ATP2C2: variants seen among roughly 807,000 people sequenced by gnomAD.
The protein encoded by ATP2C2 is ATPase secretory pathway Ca2+ transporting 2.
In ATP2C2, 171 loss-of-function variants were observed where a neutral mutation model predicts 110.8. The observed-to-expected ratio is 1.54, with a 90% CI of 1.36 to 1.75. ATP2C2 has a LOEUF of 1.75. Ranked by LOEUF, ATP2C2 falls within the 40% of genes most tolerant of loss-of-function variation. ATP2C2 has a pLI of 0.00. For missense variants in ATP2C2, 1,963 were observed against 1,235.0 expected (o/e 1.59, Z -8.84); for synonymous variants, 804 against 508.4 (o/e 1.58, Z -7.82).
At chr16:84,455,078 G>GGC in intron 21 of ATP2C2, 94 bp downstream of exon 21, 2 of 1,445,600 alleles carry the variant, frequency 1.4e-6, no homozygotes, top group Non-Finnish European at 9.5e-7. Context: ...AGAGGGGGGG[G>GGC]TCTCGCGGAG....
rs745415811 is a variant in ATP2C2 at position 84,410,516 on chromosome 16, C to A, written c.418-52C>A. On this transcript the variant is annotated intron_variant, in intron 4 of 26. Transcript: ENST00000262429. ...AGCCCCTAGCCTGCCACGCCCTGTC[C>A]CCCCTCCCACTGAGCCTCTGGTACT... 93 of 1,590,424 alleles carry A rather than the reference C, an allele frequency of 5.8e-5. 2 individuals carry two copies. The highest frequency in any genetic ancestry group is 2.7e-4 in the Admixed American group (16 of 59,946).
In ATP2C2 at chr16:84,461,829, C is replaced by T. The variant is rs370595158; in HGVS notation, c.2580+17C>T. ...CGCTCTCAGGTGAGACCCGGGCTGACCCTCCTCGCTGCAGAGCTGCTGTGT... is the reference window on the plus strand; with the variant it reads ...CGCTCTCAGGTGAGACCCGGGCTGATCCTCCTCGCTGCAGAGCTGCTGTGT... On this transcript the variant is annotated intron_variant, in intron 25 of 26. Transcript: ENST00000262429. 5 of 1,611,656 alleles carry T rather than the reference C, an allele frequency of 3.1e-6. No individual in the cohort carries two copies. In the African/African-American group the frequency reaches 4.0e-5, roughly 13 times the overall value.
At chr16:84,411,640 C>A (rs1013236800) in intron 6 of ATP2C2, among the ~76,000 whole-genome samples, 1 of 152,172 alleles carries the variant, frequency 6.6e-6, no homozygotes, top group Admixed American at 6.5e-5. Context: ...TGGGGTTTCG[C>A]CACGTTGGCT....
At chr16:84,400,769 G>C (rs1905269795) in intron 2 of ATP2C2, among the ~76,000 whole-genome samples, 1 of 152,162 alleles carries the variant, frequency 6.6e-6, no homozygotes, top group Non-Finnish European at 1.5e-5. Flanking sequence ...CATTTTAACT[G>C]TGATGAGATG....
chr16:84,462,071 G>A lies in ATP2C2; in HGVS notation c.2664G>A (p.Ala888=), dbSNP rs562493115. Residue 888 remains alanine (A), a synonymous_variant, in exon 26 of 27, where the codon GCG becomes GCA. Coordinates refer to ENST00000262429, the MANE Select transcript of ATP2C2 (RefSeq NM_014861.4). ...TGGGGTCCATCCTGGGGCAGCTGGC[G>A]GTCATTTACATCCCCCCGCTGCAGA... is the stretch of plus-strand genomic sequence containing the variant. The part of the protein sequence containing the change: ...SVLGSILGQL[A]VIYIPPLQRV... 2.7e-5 allele frequency: 43 copies of A among 1,613,918 alleles called. No homozygotes were observed. Among genetic ancestry groups the A allele is most frequent in the South Asian group, 7.7e-5 (7 of 91,084 alleles).
In ATP2C2 at chr16:84,424,916, A is replaced by G. The variant is rs76583757; in HGVS notation, c.920-819A>G. Among the ~76,000 whole-genome samples the G allele has an allele frequency of 3.5e-3, 526 of 152,264 alleles. 7 individuals carry two copies. Among genetic ancestry groups the G allele is most frequent in the African/African-American group, 0.012 (495 of 41,546 alleles). ...GTGAGTACCTAGTGGGGGTGGCTCT[A>G]GGCTCACTGCCTCACCCCTATTTCC... On this transcript the variant is annotated intron_variant, in intron 10 of 26. Transcript: ENST00000262429.
chr16:84,456,475 T>G (rs1346885333), intron 21 of ATP2C2, among the ~76,000 whole-genome samples: 36 of 141,232 alleles, frequency 2.5e-4, no homozygotes, highest in African/African-American at 9.5e-4. Flanking sequence ...CAACATAGTG[T>G]TGGAAGTTCT....
intron 11 of ATP2C2, chr16:84,438,932 G>C: frequency 2.0e-6 from 1 of 489,314 alleles, no homozygotes; most frequent in Non-Finnish European, 3.6e-6. Flanking sequence ...ATTAAGGTGT[G>C]GATGACTGAC....
intron 21 of ATP2C2, among the ~76,000 whole-genome samples, chr16:84,456,264 C>CT (rs939343005): frequency 1.0e-5 from 1 of 97,020 alleles, no homozygotes; most frequent in Non-Finnish European, 2.3e-5. Flanking sequence ...GTCCTGGACT[C>CT]TTTTTGGTTG....
At chr16:84,418,666 G>T (rs1422753449) in intron 7 of ATP2C2, among the ~76,000 whole-genome samples, 1 of 152,194 alleles carries the variant, frequency 6.6e-6, no homozygotes, top group Admixed American at 6.5e-5. Flanking sequence ...GGCGGTGGAG[G>T]GGGACATGAC....
chr16:84,424,685 G>C (rs1907655432), intron 10 of ATP2C2, among the ~76,000 whole-genome samples: 1 of 151,552 alleles, frequency 6.6e-6, no homozygotes, highest in African/African-American at 2.4e-5. Context: ...GCAGGTGCAG[G>C]GAAGCAACAC....
In ATP2C2 at chr16:84,463,108, C is replaced by T. The variant is rs185365892; in HGVS notation, c.2723-506C>T. 160 of 160,848 alleles carry T rather than the reference C, an allele frequency of 9.9e-4. 1 individual carries two copies. Among genetic ancestry groups the T allele is most frequent in the African/African-American group, 3.7e-3 (155 of 41,704 alleles). The allele number at this position is 160,848 out of a possible 1,614,324, so 10.0% of individuals were successfully genotyped here. Reference sequence around the variant, plus strand: ...GCCTGAAGGGGTTGTGCTTGGGCAGCCCGTACATCAGGAATCATCAACAGG... The same window carrying T: ...GCCTGAAGGGGTTGTGCTTGGGCAGTCCGTACATCAGGAATCATCAACAGG... On this transcript the variant is annotated intron_variant, in intron 26 of 26. Coordinates refer to ENST00000262429, the MANE Select transcript of ATP2C2 (RefSeq NM_014861.4).
In ATP2C2 at chr16:84,392,238, G is replaced by T. The variant is rs9940314; in HGVS notation, c.100-6261G>T. On this transcript the variant is annotated intron_variant, in intron 1 of 26. Transcript: ENST00000262429. ...TAGCATTTCATCTATAAATATTTCT[G>T]CATATCTATGGCTAAAGAGAAGAAC... Among the ~76,000 whole-genome samples the T allele has an allele frequency of 4.1e-3, 624 of 152,178 alleles. 7 individuals carry two copies. The highest frequency in any genetic ancestry group is 0.014 in the African/African-American group (595 of 41,512).
At chr16:84,411,523 C>G (rs1425285808) in intron 6 of ATP2C2, among the ~76,000 whole-genome samples, 1 of 152,168 alleles carries the variant, frequency 6.6e-6, no homozygotes, top group Admixed American at 6.5e-5. Context: ...TTCGCTGCAA[C>G]CTCCGCCTCC....
In ATP2C2 at chr16:84,455,072, G is replaced by GC. The variant is rs1555568550; in HGVS notation, c.2147+88_2147+89insC. The GC allele has an allele frequency of 2.0e-6, 3 of 1,524,680 alleles. No individual in the cohort carries two copies. The African/African-American group carries it at 4.2e-5, about 21-fold the overall frequency. The allele number at this position is 1,524,680 out of a possible 1,614,324, so 94.4% of individuals were successfully genotyped here. A position where few individuals can be genotyped will look rare whatever the true frequency, so the allele number is the denominator to read the frequency against. ...GGAACCTGCTACTGTGGAGATAGAG[G>GC]GGGGGGTCTCGCGGAGTCCCCAGGG... On this transcript the variant is annotated intron_variant, in intron 21 of 26. Coordinates refer to ENST00000262429, the MANE Select transcript of ATP2C2 (RefSeq NM_014861.4).
chr16:84,405,060 G>A, intron 2 of ATP2C2, 68 bp from the exon 3 acceptor site: 1 of 1,312,304 alleles, frequency 7.6e-7, no homozygotes, highest in Non-Finnish European at 1.1e-6. Flanking sequence ...CAGAGTGGGA[G>A]TCTGTACCCT....
chr16:84,463,502 C>A (rs1911603922), intron 26 of ATP2C2, 112 bp from the exon 27 acceptor site: 1 of 868,992 alleles, frequency 1.2e-6, no homozygotes, highest in Admixed American at 1.9e-5. Flanking sequence ...ATGAAAAGGG[C>A]TGGTCCTCCG....
chr16:84,423,853 C>G (rs1395146595), intron 10 of ATP2C2, among the ~76,000 whole-genome samples: 1 of 152,212 alleles, frequency 6.6e-6, no homozygotes, highest in Non-Finnish European at 1.5e-5. Context: ...TGTTCCTGGA[C>G]TGGGACTTCC....
intron 26 of ATP2C2, 170 bp downstream of exon 26, chr16:84,462,299 G>GT (rs1235804686): frequency 1.2e-6 from 1 of 827,072 alleles, no homozygotes; most frequent in East Asian, 2.6e-5. Flanking sequence ...GGACTCTAAC[G>GT]TGGGTGATGT....
Sources: gnomAD v4.1 joint callset for allele counts (sites outside exome capture counted in the v4.1 genomes callset) on GRCh38, gnomAD v4.1.1 for gene constraint, MANE v1.5 for transcripts, NCBI Gene and HGNC (gene_info 2026-07-23, HGNC 2026-07-21) for gene names.